Variants in EP300 observed in about 807,000 individuals in gnomAD.
EP300 encodes the protein EP300 lysine acetyltransferase.
Under a neutral mutation model 264.0 loss-of-function variants are expected in EP300, and 31 were observed. The ratio of observed to expected loss-of-function variants is 0.12; its 90% CI spans 0.09 to 0.16. The LOEUF (loss-of-function observed/expected upper bound fraction) is 0.16, where lower values mean the gene tolerates loss of function less well. Ranked by LOEUF, EP300 falls within the 10% of genes least tolerant of loss-of-function variation. The pLI, the probability that EP300 is intolerant of heterozygous loss-of-function variation, is 1.00. For missense variants in EP300, 2,766 were observed against 3,052.9 expected, an observed-to-expected ratio of 0.91 and a Z score of 2.21; for synonymous variants, 1,340 against 1,045.4, an observed-to-expected ratio of 1.28 and a Z score of -5.44.
At chr22:41,100,076 T>A (rs2058722763) in intron 1 of EP300, among the ~76,000 whole-genome samples, 1 of 151,988 alleles carries the variant, frequency 6.6e-6, no homozygotes, top group Non-Finnish European at 1.5e-5. Flanking sequence ...GAAAAAAAAT[T>A]TAAAAAGTCA....
intron 6 of EP300, among the ~76,000 whole-genome samples, chr22:41,132,421 G>A: frequency 6.6e-6 from 1 of 151,018 alleles, no homozygotes; most frequent in Non-Finnish European, 1.5e-5. Flanking sequence ...CTGAGTAGCT[G>A]GGACTACAGG....
chr22:41,120,085 A>G (rs1367374905), intron 2 of EP300, among the ~76,000 whole-genome samples: 4 of 152,214 alleles, frequency 2.6e-5, no homozygotes, highest in Admixed American at 2.6e-4. Flanking sequence ...AAGTGTTGCC[A>G]CCGCACCTAG....
chr22:41,161,955 C>T (rs1447002559), intron 20 of EP300, among the ~76,000 whole-genome samples: 1 of 152,164 alleles, frequency 6.6e-6, no homozygotes, highest in Non-Finnish European at 1.5e-5. Context: ...GGGTAAGTTT[C>T]CTTGATGCAG....
At chr22:41,115,016 T>C (rs1288713636) in intron 1 of EP300, among the ~76,000 whole-genome samples, 1 of 152,170 alleles carries the variant, frequency 6.6e-6, no homozygotes, top group East Asian at 1.9e-4. Flanking sequence ...CCAGACTTGA[T>C]GTGAATTCCT....
In EP300 at chr22:41,135,803, T is replaced by G. The variant is rs1272974405; in HGVS notation, c.1529-10T>G. On this transcript the variant is annotated splice_polypyrimidine_tract_variant and intron_variant, in intron 6 of 30. Coordinates refer to ENST00000263253, the MANE Select transcript of EP300 (RefSeq NM_001429.4). ...TTATTTCTGTCTCCTGTTATTTCAT[T>G]TTGACTTAGGTGCTAGTCCTATGGG... 6.3e-7 allele frequency: 1 copy of G among 1,598,600 alleles called. No individual in the cohort carries two copies. Among genetic ancestry groups the G allele is most frequent in the East Asian group, 2.2e-5 (1 of 44,812 alleles).
At chr22:41,100,336 A>T (rs2058724503) in intron 1 of EP300, among the ~76,000 whole-genome samples, 1 of 152,238 alleles carries the variant, frequency 6.6e-6, no homozygotes, top group African/African-American at 2.4e-5. Flanking sequence ...GGTAAGGATG[A>T]ACTCCTGTAT....
At chr22:41,151,162 A>G (rs1425573678) in intron 14 of EP300, among the ~76,000 whole-genome samples, 1 of 152,142 alleles carries the variant, frequency 6.6e-6, no homozygotes, top group Admixed American at 6.6e-5. Flanking sequence ...GAGAAGTTCC[A>G]TGAGTCACAG....
chr22:41,125,544 G>A (rs1345682054), intron 2 of EP300, among the ~76,000 whole-genome samples: 3 of 152,030 alleles, frequency 2.0e-5, no homozygotes, highest in Non-Finnish European at 4.4e-5. Flanking sequence ...GGGATTACAG[G>A]TATGAGTCGC....
chr22:41,176,596 C>A (rs1225723393), intron 30 of EP300, 68 bp downstream of exon 30: 1 of 1,609,452 alleles, frequency 6.2e-7, no homozygotes, highest in Admixed American at 1.7e-5. Flanking sequence ...CATGCAGCCA[C>A]GTATTTTATA....
In EP300 at chr22:41,150,005, C is replaced by T; in HGVS notation, c.2624C>T (p.Ser875Phe). Reference sequence around the variant, plus strand: ...CCTGCCATGCCACCTGGGCCACAGTCCCAGGCTCTACATCCCCCTCCAAGG... The same window carrying T: ...CCTGCCATGCCACCTGGGCCACAGTTCCAGGCTCTACATCCCCCTCCAAGG... ...TPPAMPPGPQ[S>F]QALHPPPRQT... Residue 875 changes from serine (S) to phenylalanine (F), a missense_variant, in exon 14 of 31, where the codon TCC (serine) becomes TTC (phenylalanine). Coordinates refer to ENST00000263253, the MANE Select transcript of EP300 (RefSeq NM_001429.4). 1 of 1,614,084 alleles carries T rather than the reference C, an allele frequency of 6.2e-7. No homozygotes were observed. The highest frequency in any genetic ancestry group is 8.5e-7 in the Non-Finnish European group (1 of 1,180,034).
chr22:41,099,450 G>T (rs2058719453), intron 1 of EP300, among the ~76,000 whole-genome samples: 1 of 152,164 alleles, frequency 6.6e-6, no homozygotes, highest in African/African-American at 2.4e-5. Flanking sequence ...TCATCAGTCA[G>T]AACACGTTTC....
Position 41,158,540 on chromosome 22 carries a change from C to T in EP300, c.3590+40C>T, listed in dbSNP as rs769898744. On this transcript the variant is annotated intron_variant, in intron 19 of 30. Transcript: ENST00000263253. ...GTGTGGACCATGGTCCATGTGTCCACATGTCCAGGGAGTGCATGCGGATGG... is the reference window on the plus strand; with the variant it reads ...GTGTGGACCATGGTCCATGTGTCCATATGTCCAGGGAGTGCATGCGGATGG... The T allele has an allele frequency of 7.5e-5, 116 of 1,555,398 alleles. No homozygotes were observed. In the East Asian group the frequency reaches 2.5e-3, roughly 33 times the overall value.
At chr22:41,167,883 G>A (rs1383602745) in intron 23 of EP300, among the ~76,000 whole-genome samples, 5 of 117,300 alleles carry the variant, frequency 4.3e-5, no homozygotes, top group South Asian at 3.0e-4. Flanking sequence ...CCATAGTGGC[G>A]CAGTCTCAGC....
chr22:41,152,189 C>T lies in EP300; in HGVS notation c.2998-17C>T, dbSNP rs1445874962. 6.2e-7 allele frequency: 1 copy of T among 1,613,442 alleles called. No individual in the cohort carries two copies. Among genetic ancestry groups the T allele is most frequent in the South Asian group, 1.1e-5 (1 of 91,048 alleles). The stretch of plus-strand genomic sequence containing the variant: ...AGATATCTTTGGAATACTAAAAATT[C>T]TTACGTTTTCTTTTAGTCTAAAGTG... On this transcript the variant is annotated splice_polypyrimidine_tract_variant and intron_variant, in intron 15 of 30. Transcript: ENST00000263253.
intron 6 of EP300, among the ~76,000 whole-genome samples, chr22:41,134,377 G>A (rs2058938217): frequency 6.6e-6 from 1 of 152,010 alleles, no homozygotes; most frequent in Non-Finnish European, 1.5e-5. Context: ...GTGTGTGTGT[G>A]TGTGAGATTG....
At chr22:41,119,929 C>G (rs774180066) in intron 2 of EP300, among the ~76,000 whole-genome samples, 1 of 152,062 alleles carries the variant, frequency 6.6e-6, no homozygotes, top group Non-Finnish European at 1.5e-5. Flanking sequence ...GTTCTCCTGC[C>G]TCAGGCTCCA....
intron 3 of EP300, among the ~76,000 whole-genome samples, chr22:41,127,241 T>C (rs183531467): frequency 5.8e-4 from 88 of 152,208 alleles, no homozygotes; most frequent in Non-Finnish European, 1.0e-3. Context: ...ACCATGTCCT[T>C]CTCTCTGCTT....
chr22:41,093,242 G>C, intron 1 of EP300, 144 bp downstream of exon 1: 1 of 833,308 alleles, frequency 1.2e-6, no homozygotes, highest in Non-Finnish European at 1.9e-6. Context: ...TGAGCTGGTC[G>C]AAGACGTCCA....
chr22:41,129,315 C>T (rs1046482658), intron 4 of EP300, among the ~76,000 whole-genome samples: 2 of 152,130 alleles, frequency 1.3e-5, no homozygotes, highest in African/African-American at 4.8e-5. Context: ...CCGGCCAAAA[C>T]ACACTATCGT....
Sources: allele counts gnomAD v4.1 joint callset (sites outside exome capture counted in the v4.1 genomes callset), GRCh38; gene constraint gnomAD v4.1.1; transcripts MANE v1.5; gene names NCBI Gene and HGNC (gene_info 2026-07-23, HGNC 2026-07-21).